Variants in TBC1D1 observed in about 807,000 individuals in gnomAD.
TBC1D1 encodes TBC1 domain family member 1.
A neutral mutation model predicts 125.6 loss-of-function variants in TBC1D1; 89 were observed. The ratio of observed to expected loss-of-function variants is 0.71; its 90% CI spans 0.60 to 0.85. TBC1D1 has a LOEUF of 0.85. Ranked by LOEUF, TBC1D1 falls within the 40% of genes least tolerant of loss-of-function variation. The pLI is 0.00. For synonymous variants in TBC1D1, 565 were observed against 564.1 expected, an observed-to-expected ratio of 1.00 and a Z score of -0.02; for missense variants, 1,377 against 1,469.2, an observed-to-expected ratio of 0.94 and a Z score of 1.03.
intron 2 of TBC1D1, among the ~76,000 whole-genome samples, chr4:37,922,625 G>GCTTA (rs1476234343): frequency 1.3e-5 from 2 of 152,148 alleles, no homozygotes; most frequent in African/African-American, 4.8e-5. Flanking sequence ...CTTATTCTCA[G>GCTTA]TTCTTTTTCT....
intron 2 of TBC1D1, among the ~76,000 whole-genome samples, chr4:37,907,986 A>G (rs1449880835): frequency 6.6e-6 from 1 of 152,188 alleles, no homozygotes; most frequent in Non-Finnish European, 1.5e-5. Context: ...GGGACTTTCC[A>G]GCACTGAGGA....
At position 38,087,083 on chromosome 4, in the gene TBC1D1, A is replaced by C. The variant is rs74468286; in HGVS notation, c.2051-2849A>C. Among the ~76,000 whole-genome samples the C allele has an allele frequency of 8.7e-3, 1,330 of 152,326 alleles. 22 individuals carry two copies. The highest frequency in any genetic ancestry group is 0.03 in the African/African-American group (1,265 of 41,564). ...CCTGTCCTATGAGATTGTTGTAAGA[A>C]TCAAACAAGCTTATTTATGCCAAGA... On this transcript the variant is annotated intron_variant, in intron 12 of 19. Transcript: ENST00000261439.
intron 15 of TBC1D1, among the ~76,000 whole-genome samples, chr4:38,110,913 C>T (rs17425993): frequency 0.21 from 31,637 of 152,216 alleles, 3,563 homozygotes; most frequent in Non-Finnish European, 0.24. Context: ...CTCCTGTCTT[C>T]TTGAGGCAGA....
chr4:38,124,702 C>G (rs1764363986), intron 17 of TBC1D1, among the ~76,000 whole-genome samples: 1 of 152,168 alleles, frequency 6.6e-6, no homozygotes, highest in South Asian at 2.1e-4. Flanking sequence ...ACCTTTTTCC[C>G]TTTCCCAGTT....
chr4:38,068,397 C>T (rs534663563), intron 12 of TBC1D1, among the ~76,000 whole-genome samples: 11 of 152,106 alleles, frequency 7.2e-5, no homozygotes, highest in South Asian at 2.1e-4. Flanking sequence ...CACTCCTGCT[C>T]GTTTTCTCCC....
At chr4:37,930,518 A>T (rs1723048546) in intron 2 of TBC1D1, among the ~76,000 whole-genome samples, 1 of 151,630 alleles carries the variant, frequency 6.6e-6, no homozygotes, top group South Asian at 2.1e-4. Context: ...TTTAAGACAG[A>T]GTCTTCCTGT....
intron 2 of TBC1D1, among the ~76,000 whole-genome samples, chr4:37,911,138 T>TTTC (rs1398549525): frequency 6.8e-5 from 10 of 146,996 alleles, no homozygotes; most frequent in Admixed American, 1.4e-4. Context: ...CTCCTTTTTT[T>TTTC]TTTTTTTTTT....
At chr4:38,011,694 C>T (rs933255096) in intron 2 of TBC1D1, among the ~76,000 whole-genome samples, 3 of 152,138 alleles carry the variant, frequency 2.0e-5, no homozygotes, top group Non-Finnish European at 4.4e-5. Flanking sequence ...CTCAATTATG[C>T]CTGAATACTA....
intron 2 of TBC1D1, among the ~76,000 whole-genome samples, chr4:37,943,618 T>C (rs1234607229): frequency 1.3e-5 from 2 of 152,260 alleles, no homozygotes; most frequent in African/African-American, 4.8e-5. Flanking sequence ...TTTCTTCCAG[T>C]TAATCGAATC....
chr4:37,993,935 T>C (rs1452978928), intron 2 of TBC1D1, among the ~76,000 whole-genome samples: 1 of 152,264 alleles, frequency 6.6e-6, no homozygotes, highest in Non-Finnish European at 1.5e-5. Context: ...GCGAAGCCAG[T>C]CTTTATCTCC....
intron 2 of TBC1D1, among the ~76,000 whole-genome samples, chr4:37,943,347 G>T (rs1033663192): frequency 1.3e-5 from 2 of 152,108 alleles, no homozygotes; most frequent in Non-Finnish European, 2.9e-5. Flanking sequence ...TATCTTTGTG[G>T]CATTCTCTGT....
At chr4:38,034,621 A>C (rs1188635580) in intron 7 of TBC1D1, among the ~76,000 whole-genome samples, 2 of 152,202 alleles carry the variant, frequency 1.3e-5, no homozygotes, top group Non-Finnish European at 2.9e-5. Flanking sequence ...GTTGACCCAG[A>C]TTCAGATCCT....
intron 2 of TBC1D1, among the ~76,000 whole-genome samples, chr4:37,909,084 A>G (rs1717980240): frequency 6.6e-6 from 1 of 152,150 alleles, no homozygotes; most frequent in African/African-American, 2.4e-5. Context: ...ATTTTAAACC[A>G]ATAAATGTTT....
chr4:38,060,508 T>A (rs1399872524), intron 12 of TBC1D1: 1 of 561,916 alleles, frequency 1.8e-6, no homozygotes, highest in Non-Finnish European at 2.8e-6. Flanking sequence ...GTTTGTTGGC[T>A]GTATGAATAT....
At chr4:38,059,531 ACTT>A (rs1180735908) in intron 12 of TBC1D1, among the ~76,000 whole-genome samples, 4 of 151,784 alleles carry the variant, frequency 2.6e-5, no homozygotes, top group Non-Finnish European at 5.9e-5. Context: ...TGTGGCAGTC[ACTT>A]CTGGCTGCCG....
At chr4:38,021,348 G>C (rs1249295760) in intron 5 of TBC1D1, among the ~76,000 whole-genome samples, 1 of 152,184 alleles carries the variant, frequency 6.6e-6, no homozygotes, top group African/African-American at 2.4e-5. Context: ...AGATTTGGGT[G>C]GGGACACAGC....
chr4:38,090,233 A>G, intron 13 of TBC1D1, 116 bp downstream of exon 15: 2 of 933,610 alleles, frequency 2.1e-6, no homozygotes, highest in South Asian at 2.9e-5. Flanking sequence ...TCTAATGTAT[A>G]CATCTATCTA....
intron 17 of TBC1D1, 184 bp downstream of exon 19, chr4:38,118,376 A>G (rs1763313830): frequency 1.7e-6 from 1 of 597,406 alleles, no homozygotes; most frequent in Non-Finnish European, 2.8e-6. Context: ...TTAACTTCTG[A>G]TAATCACGGG....
At chr4:38,041,912 G>A (rs1260606511) in intron 8 of TBC1D1, among the ~76,000 whole-genome samples, 6 of 152,162 alleles carry the variant, frequency 3.9e-5, no homozygotes, top group South Asian at 2.1e-4. Context: ...AGTGGCTCAC[G>A]CCTGTAATCC....
Sources: allele counts gnomAD v4.1 joint callset (sites outside exome capture counted in the v4.1 genomes callset), GRCh38; gene constraint gnomAD v4.1.1; transcripts MANE v1.5; gene names NCBI Gene and HGNC (gene_info 2026-07-23, HGNC 2026-07-21).